Variants in CASP2 observed in about 807,000 individuals in gnomAD.
CASP2 encodes caspase-2.
Under a neutral mutation model 54.4 loss-of-function variants are expected in CASP2, and 38 were observed. The ratio of observed to expected loss-of-function variants is 0.70; its 90% confidence interval spans 0.54 to 0.92. CASP2 has a LOEUF of 0.92. Ranked by LOEUF, CASP2 falls within the 40% of genes least tolerant of loss-of-function variation. The probability of loss-of-function intolerance (pLI) is 0.00; values close to 1 mark genes in which losing one functional copy is unlikely to be tolerated. For synonymous variants in CASP2, 215 were observed against 216.3 expected (o/e 0.99, Z 0.05); for missense variants, 512 against 579.6 (o/e 0.88, Z 1.20).
In CASP2 at chr7:143,304,946, G is replaced by C; in HGVS notation, c.1234G>C (p.Ala412Pro). The C allele has an allele frequency of 2.5e-6, 4 of 1,614,174 alleles. No individual in the cohort carries two copies. The highest frequency in any genetic ancestry group is 2.5e-6 in the Non-Finnish European group (3 of 1,180,036). ...HVADMLVKVN[A>P]LIKDREGYAP... The stretch of plus-strand genomic sequence containing the variant: ...ATTGGTTCTGCCCCTCCAGGTGAAC[G>C]CACTTATCAAGGATCGGGAAGGTTA... The change falls in exon 11 of 11, where the codon GCA becomes CCA. Residue 412 changes from alanine to proline, a missense_variant. Coordinates refer to ENST00000310447, the MANE Select transcript of CASP2 (RefSeq NM_032982.4).
At position 143,292,335 on chromosome 7, in the gene CASP2, C is replaced by T. The variant is rs763400986; in HGVS notation, c.261C>T (p.Leu87=). The T allele has an allele frequency of 1.4e-5, 22 of 1,614,192 alleles. No homozygotes were observed. The highest frequency in any genetic ancestry group is 1.8e-5 in the Non-Finnish European group (21 of 1,180,034). Residue 87 remains leucine, a synonymous_variant, in exon 3 of 11, where the codon CTC becomes CTT. Transcript: ENST00000310447. ...KVGSFSQNVE[L]LNLLPKRGPQ... is the part of the protein sequence containing the mutation. ...GCAGTTTCAGCCAGAATGTGGAACT[C>T]CTCAACTTGCTGCCTAAGAGGGGTC...
At chr7:143,296,747 AG>A (rs1394779766) in intron 6 of CASP2, among the ~76,000 whole-genome samples, 10 of 150,840 alleles carry the variant, frequency 6.6e-5, no homozygotes, top group Admixed American at 1.3e-4. Context: ...AAAAAAAAAA[AG>A]ATCCTTTTTT....
chr7:143,303,715 G>T, intron 8 of CASP2, 69 bp from the exon 9 acceptor site: 1 of 1,474,360 alleles, frequency 6.8e-7, no homozygotes, highest in East Asian at 2.3e-5. Flanking sequence ...ACGTGGGCTT[G>T]CCTGTGACAG....
chr7:143,288,697 C>T (rs1801460894), intron 1 of CASP2, among the ~76,000 whole-genome samples, 168 bp downstream of exon 1: 1 of 152,222 alleles, frequency 6.6e-6, no homozygotes, highest in Non-Finnish European at 1.5e-5. Context: ...GAGCCTGACT[C>T]CGCGCAAGGG....
rs1801440022 is a variant in CASP2 at position 143,288,370 on chromosome 7, G to C, written c.-86G>C. On this transcript the variant is annotated 5_prime_UTR_variant, in exon 1 of 11. Coordinates refer to ENST00000310447, the MANE Select transcript of CASP2 (RefSeq NM_032982.4). ...GCAGGCGCAGTGTGCGTCCGCGTCT[G>C]AGGGGAGGGATGTGGGGGAAGCGAC... is the stretch of plus-strand genomic sequence containing the variant. 7.3e-7 allele frequency: 1 copy of C among 1,369,552 alleles called. No individual in the cohort carries two copies. Among genetic ancestry groups the C allele is most frequent in the Non-Finnish European group, 1.0e-6 (1 of 973,720 alleles). 84.8% of individuals were successfully genotyped at this position (1,369,552 alleles called of 1,614,324 possible).
At position 143,303,937 on chromosome 7, in the gene CASP2, C is replaced by G; in HGVS notation, c.1117+4C>G. On this transcript the variant is annotated splice_donor_region_variant and intron_variant, in intron 9 of 10. Transcript: ENST00000310447. The stretch of plus-strand genomic sequence containing the variant: ...TGCGGCTATGCCTGCCTCAAAGGTA[C>G]TTTGAGTTCCAAAAGAGTTGAGTCA... 1 of 1,581,218 alleles carries G rather than the reference C, an allele frequency of 6.3e-7. No homozygotes were observed. Among genetic ancestry groups the G allele is most frequent in the Non-Finnish European group, 8.6e-7 (1 of 1,162,934 alleles).
Position 143,303,873 on chromosome 7 carries a change from T to C in CASP2, c.1057T>C (p.Leu353=), listed in dbSNP as rs1801992743. ...GGAGAGTGATGCCGGTAAAGAAAAG[T>C]TGCCGAAGATGAGACTGCCCACGCG... ...CEESDAGKEK[L]PKMRLPTRSD... is the part of the protein sequence containing the mutation. The change falls in exon 9 of 11, where the codon TTG becomes CTG. Residue 353 remains leucine (L), a synonymous_variant. Coordinates refer to ENST00000310447, the MANE Select transcript of CASP2 (RefSeq NM_032982.4). 6.2e-7 allele frequency: 1 copy of C among 1,613,458 alleles called. No individual in the cohort carries two copies. Among genetic ancestry groups the C allele is most frequent in the South Asian group, 1.1e-5 (1 of 90,962 alleles).
At chr7:143,297,391 A>C (rs1044879502) in intron 6 of CASP2, among the ~76,000 whole-genome samples, 3 of 152,178 alleles carry the variant, frequency 2.0e-5, no homozygotes, top group Admixed American at 2.0e-4. Context: ...TTACTGACCT[A>C]ATCTCACTAA....
At position 143,305,250 on chromosome 7, in the gene CASP2, C is replaced by T; in HGVS notation, c.*179C>T. ...TTGAGTGTGGGACTCCAGGCCAGCTCCTTTTCTGTGAAGCCCTTTGCCTGT... is the reference window on the plus strand; with the variant it reads ...TTGAGTGTGGGACTCCAGGCCAGCTTCTTTTCTGTGAAGCCCTTTGCCTGT... On this transcript the variant is annotated 3_prime_UTR_variant, in exon 11 of 11. Transcript: ENST00000310447. The T allele has an allele frequency of 1.3e-6, 1 of 782,126 alleles. No homozygotes were observed. The highest frequency in any genetic ancestry group is 2.1e-5 in the Admixed American group (1 of 48,242). 48.4% of individuals were successfully genotyped at this position (782,126 alleles called of 1,614,324 possible).
chr7:143,301,685 A>G (rs920814504), intron 8 of CASP2: 3 of 152,324 alleles, frequency 2.0e-5, no homozygotes, highest in African/African-American at 7.2e-5. Flanking sequence ...GGAAAGAAAC[A>G]ATACAATATG....
intron 6 of CASP2, among the ~76,000 whole-genome samples, chr7:143,296,278 C>T (rs2116781740): frequency 6.6e-6 from 1 of 152,206 alleles, no homozygotes; most frequent in South Asian, 2.1e-4. Flanking sequence ...ACTGGAATTG[C>T]AGTAGAGTTG....
chr7:143,293,399 A>T (rs1417708793), intron 4 of CASP2, among the ~76,000 whole-genome samples: 2 of 152,112 alleles, frequency 1.3e-5, no homozygotes, highest in Non-Finnish European at 2.9e-5. Context: ...AAGTGCTGGG[A>T]TTATAGGCGT....
At chr7:143,292,117 A>G (rs750141910) in intron 2 of CASP2, among the ~76,000 whole-genome samples, 183 bp from the exon 3 acceptor site, 8 of 152,116 alleles carry the variant, frequency 5.3e-5, no homozygotes, top group African/African-American at 1.9e-4. Flanking sequence ...ATGCCCTTCT[A>G]CCGTAGAGCA....
chr7:143,290,289 T>G (rs903196967), intron 1 of CASP2, among the ~76,000 whole-genome samples: 22 of 152,154 alleles, frequency 1.4e-4, no homozygotes, highest in African/African-American at 5.1e-4. Flanking sequence ...CTTGAACTCC[T>G]GACCTCAGGT....
Position 143,304,710 on chromosome 7 carries a change from G to GGTACATC in CASP2, c.1156_1162dup (p.Glu388ValfsTer11). On this transcript the variant is annotated frameshift_variant, in exon 10 of 11. Transcript: ENST00000310447. LOFTEE classifies it high-confidence loss of function. ...ATGCGGAACACCAAACGAGGTTCCT[G>GGTACATC]GTACATCGAGGCTCTTGCTCAAGTG... is the stretch of plus-strand genomic sequence containing the variant. 2 of 1,614,180 alleles carry GGTACATC rather than the reference G, an allele frequency of 1.2e-6. No homozygotes were observed. The highest frequency in any genetic ancestry group is 1.7e-6 in the Non-Finnish European group (2 of 1,180,026).
rs1346926187 is a variant in CASP2 at position 143,294,246 on chromosome 7, C to A, written c.492C>A (p.Ser164=). Residue 164 remains serine (S), a synonymous_variant, in exon 5 of 11, where the codon TCC becomes TCA. Transcript: ENST00000310447. ...ATACCACAGATACTGTGGAACACTC[C>A]CTAGACAATAAAGATGGTCCTGTCT... ...LRLSTDTVEH[S]LDNKDGPVCL... is the part of the protein sequence containing the mutation. 5 of 1,605,876 alleles carry A rather than the reference C, an allele frequency of 3.1e-6. No homozygotes were observed. Among genetic ancestry groups the A allele is most frequent in the Non-Finnish European group, 4.3e-6 (5 of 1,172,628 alleles).
At position 143,291,693 on chromosome 7, in the gene CASP2, A is replaced by T. The variant is rs1334558702; in HGVS notation, c.225+3A>T. The T allele has an allele frequency of 6.2e-7, 1 of 1,608,346 alleles. No homozygotes were observed. The highest frequency in any genetic ancestry group is 1.3e-5 in the African/African-American group (1 of 74,428). ...TGGAAATGAGGGAGCTCATCCAGGT[A>T]TCTGGAGGCAAAAGAGAGAAGATAA... On this transcript the variant is annotated splice_donor_region_variant and intron_variant, in intron 2 of 10. Coordinates refer to ENST00000310447, the MANE Select transcript of CASP2 (RefSeq NM_032982.4).
chr7:143,300,517 A>T (rs1310813561), intron 8 of CASP2: 15 of 1,574,660 alleles, frequency 9.5e-6, no homozygotes, highest in Non-Finnish European at 4.3e-6. Flanking sequence ...CTCTCCGTGC[A>T]CCACCATATC....
At chr7:143,303,408 C>T (rs1169706954) in intron 8 of CASP2, 1 of 173,390 alleles carries the variant, frequency 5.8e-6, no homozygotes, top group Non-Finnish European at 1.3e-5. Flanking sequence ...ATAAAAAGCA[C>T]TGTGACTCCC....
Sources: allele counts gnomAD v4.1 joint callset (sites outside exome capture counted in the v4.1 genomes callset), GRCh38; gene constraint gnomAD v4.1.1; transcripts MANE v1.5; gene names NCBI Gene and HGNC (gene_info 2026-07-23, HGNC 2026-07-21).